The following RSPH14 variants were observed in gnomAD, a reference collection of about 807,000 sequenced individuals.
RSPH14 encodes the protein radial spoke head 14 homolog.
In RSPH14, 20 loss-of-function variants were observed where a neutral mutation model predicts 26.7. The observed-to-expected ratio is 0.75, with a 90% confidence interval of 0.53 to 1.09. The LOEUF is 1.09. Among genes scored for constraint, RSPH14 ranks in the 50% least tolerant of loss-of-function variants. The pLI is 0.00. For synonymous variants in RSPH14, 177 were observed against 189.3 expected (o/e 0.93, Z 0.53); for missense variants, 449 against 457.2 (o/e 0.98, Z 0.16).
chr22:23,085,559 A>G (rs2068794610), intron 4 of RSPH14, among the ~76,000 whole-genome samples: 1 of 152,208 alleles, frequency 6.6e-6, no homozygotes, highest in East Asian at 1.9e-4. Context: ...AATGGAACTG[A>G]GCCAGGGAGA....
chr22:23,081,711 A>T (rs946172210), intron 4 of RSPH14, among the ~76,000 whole-genome samples: 2 of 151,072 alleles, frequency 1.3e-5, no homozygotes, highest in Non-Finnish European at 2.9e-5. Flanking sequence ...AATCCCAGCT[A>T]CTTGGGAGGC....
chr22:23,119,494 C>A (rs1019914933), intron 4 of RSPH14, among the ~76,000 whole-genome samples: 5 of 152,252 alleles, frequency 3.3e-5, no homozygotes, highest in Admixed American at 6.5e-5. Context: ...ACCCACGATG[C>A]AGCTCCTGCC....
chr22:23,137,125 G>A lies in RSPH14; in HGVS notation c.302+1715C>T, dbSNP rs2070496893. On this transcript the variant is annotated intron_variant, in intron 3 of 6. Transcript: ENST00000216036. ...CAGCCACCAAGGCAGCGAGAGCTTG[G>A]GGACTAGCAGGGCTGAGTGACTTTG... is the stretch of plus-strand genomic sequence containing the variant. Among the ~76,000 whole-genome samples the A allele has an allele frequency of 2.2e-5, 3 of 139,168 alleles. 1 individual carries two copies. The South Asian group carries it at 6.8e-4, about 31-fold the overall frequency. The allele number at this position is 139,168 out of a possible 152,430, so 91.3% of individuals were successfully genotyped here. A position where few individuals can be genotyped will look rare whatever the true frequency, so the allele number is the denominator to read the frequency against.
chr22:23,171,757 G>A, the RSPH14 span, among the ~76,000 whole-genome samples: 1 of 147,374 alleles, frequency 6.8e-6, no homozygotes, highest in Admixed American at 7.0e-5. Flanking sequence ...CAAGAGAATC[G>A]CTTGAAACTG....
At chr22:23,145,059 G>A (rs1348112098), upstream of RSPH14, 1 of 442,604 alleles carries the variant, frequency 2.3e-6, no homozygotes, top group African/African-American at 1.9e-5. Context: ...TCAGTAGATG[G>A]TAGGCAGGTC....
intron 4 of RSPH14, among the ~76,000 whole-genome samples, chr22:23,084,436 G>A (rs2068761794): frequency 6.6e-6 from 1 of 152,086 alleles, no homozygotes. Context: ...CAGCAGGTTG[G>A]GGGAAGTCAA....
At chr22:23,094,480 A>G (rs968379552) in intron 4 of RSPH14, among the ~76,000 whole-genome samples, 1 of 152,128 alleles carries the variant, frequency 6.6e-6, no homozygotes, top group African/African-American at 2.4e-5. Flanking sequence ...GGTGATTACT[A>G]CTACCCTTGG....
In RSPH14 at chr22:23,063,994, C is replaced by T. The variant is rs1333581078; in HGVS notation, c.561G>A (p.Leu187=). The T allele has an allele frequency of 1.2e-6, 2 of 1,614,104 alleles. No individual in the cohort carries two copies. The highest frequency in any genetic ancestry group is 1.7e-6 in the Non-Finnish European group (2 of 1,180,028). Residue 187 remains leucine (L), a synonymous_variant, in exon 5 of 7, where the codon CTG becomes CTA. Transcript: ENST00000216036. ...LCLQEDATEA[L]GSNVVLVLKQ... is the part of the protein sequence containing the mutation. ...TCAGGACAAGCACCACATTGCTGCC[C>T]AGGGCCTCGGTGGCATCCTCCTGCA...
the RSPH14 span, chr22:23,153,003 C>T: frequency 1.3e-6 from 2 of 1,501,448 alleles, no homozygotes; most frequent in East Asian, 2.3e-5. Flanking sequence ...TGTGAGTACA[C>T]CCCTGTGACG....
In RSPH14 at chr22:23,140,218, T is replaced by C; in HGVS notation, c.199+4A>G. ...CATGGTCACCTGTGCTGTGTCACGC[T>C]CACCTATGTTCATGGCCTTGTAGAT... is the stretch of plus-strand genomic sequence containing the variant. On this transcript the variant is annotated splice_donor_region_variant and intron_variant, in intron 2 of 6. Coordinates refer to ENST00000216036, the MANE Select transcript of RSPH14 (RefSeq NM_014433.3). 1 of 1,613,326 alleles carries C rather than the reference T, an allele frequency of 6.2e-7. No individual in the cohort carries two copies. The highest frequency in any genetic ancestry group is 1.3e-5 in the African/African-American group (1 of 75,028).
rs761925383 is a variant in RSPH14, at chr22:23,064,132, C to A, written c.423G>T (p.Gly141=). 4.3e-6 allele frequency: 7 copies of A among 1,614,044 alleles called. No individual in the cohort carries two copies. Among genetic ancestry groups the A allele is most frequent in the Non-Finnish European group, 5.9e-6 (7 of 1,179,978 alleles). ...GACCTTTGCTGATGATCTCTTGGGC[C>A]CCTACAAGGCAGGAAAGGGCACTGA... ...AYMQLVQVPR[G]AQEIISKGLI... is the part of the protein sequence containing the mutation. Residue 141 remains glycine (G), a splice_region_variant and synonymous_variant, in exon 5 of 7, where the codon GGG becomes GGT. Transcript: ENST00000216036.
At chr22:23,096,248 A>G (rs1242546685) in intron 4 of RSPH14, 2 of 1,613,992 alleles carry the variant, frequency 1.2e-6, no homozygotes, top group Non-Finnish European at 1.7e-6. Context: ...GACCACGGGC[A>G]TTGTGGAGAA....
chr22:23,173,062 C>G, the RSPH14 span, among the ~76,000 whole-genome samples: 1 of 151,946 alleles, frequency 6.6e-6, no homozygotes, highest in African/African-American at 2.4e-5. Flanking sequence ...TTTTCCATGG[C>G]TTGTCAGCTC....
At chr22:23,158,577 C>T in the RSPH14 span, among the ~76,000 whole-genome samples, 2 of 152,210 alleles carry the variant, frequency 1.3e-5, no homozygotes, top group South Asian at 2.1e-4. Flanking sequence ...TTCCAAACCC[C>T]GTGAGGGAGG....
intron 4 of RSPH14, among the ~76,000 whole-genome samples, chr22:23,126,807 C>T (rs2070194664): frequency 6.6e-6 from 1 of 152,194 alleles, no homozygotes; most frequent in Non-Finnish European, 1.5e-5. Flanking sequence ...TCACGCAGCC[C>T]CAGCCTCCTT....
intron 4 of RSPH14, among the ~76,000 whole-genome samples, chr22:23,100,931 A>G (rs1339328112): frequency 6.6e-6 from 1 of 152,216 alleles, no homozygotes; most frequent in African/African-American, 2.4e-5. Context: ...GCTGTGGTTT[A>G]TCATTTAGCC....
At chr22:23,096,138 A>C (rs1218883952) in intron 4 of RSPH14, 10 of 1,612,416 alleles carry the variant, frequency 6.2e-6, no homozygotes. Flanking sequence ...AGCGAGTACC[A>C]CCTGGAGGAC....
chr22:23,154,826 GAA>G, the RSPH14 span, among the ~76,000 whole-genome samples: 1 of 152,138 alleles, frequency 6.6e-6, no homozygotes, highest in African/African-American at 2.4e-5. Flanking sequence ...TGGATCACTT[GAA>G]AAAAATTCAG....
chr22:23,070,164 C>A (rs1191324947), intron 4 of RSPH14, among the ~76,000 whole-genome samples: 1 of 151,946 alleles, frequency 6.6e-6, no homozygotes, highest in Non-Finnish European at 1.5e-5. Flanking sequence ...GGGCTACTGG[C>A]CCGTCCGTCA....
Sources: allele counts gnomAD v4.1 joint callset (sites outside exome capture counted in the v4.1 genomes callset), GRCh38; gene constraint gnomAD v4.1.1; transcripts MANE v1.5; gene names NCBI Gene and HGNC (gene_info 2026-07-23, HGNC 2026-07-21).